Variants in MYO5C observed in about 807,000 individuals in gnomAD.
MYO5C encodes the protein unconventional myosin-Vc.
MYO5C carries 194 observed loss-of-function variants against 235.7 expected under a neutral mutation model. That is an observed-to-expected ratio of 0.82 (90% CI 0.73 to 0.93). The LOEUF (loss-of-function observed/expected upper bound fraction) is 0.93. Among genes scored for constraint, MYO5C ranks in the 40% least tolerant of loss-of-function variants. The pLI, the probability that MYO5C is intolerant of heterozygous loss-of-function variation, is 0.00. For synonymous variants in MYO5C, 707 were observed against 754.8 expected, an observed-to-expected ratio of 0.94 and a Z score of 1.04; for missense variants, 2,038 against 2,127.2, an observed-to-expected ratio of 0.96 and a Z score of 0.82.
At position 52,260,935 on chromosome 15, in the gene MYO5C, C is replaced by T; in HGVS notation, c.1240G>A (p.Val414Met). Residue 414 changes from valine (V) to methionine (M), a missense_variant, in exon 10 of 41, where the codon GTG (valine) becomes ATG (methionine). Val to Met is a conservative substitution (Grantham distance 21). Transcript: ENST00000261839. ...TGCAACGCTTGGTTAATTCTCTCCA[C>T]AATGAAGTCGAACAGGTGAGCATAG... ...KIYAHLFDFI[V>M]ERINQALQFS... 6.2e-7 allele frequency: 1 copy of T among 1,614,210 alleles called. No homozygotes were observed. Among genetic ancestry groups the T allele is most frequent in the South Asian group, 1.1e-5 (1 of 91,084 alleles).
rs137986408 is a variant in MYO5C, at chr15:52,208,874, C to T, written c.4297-231G>A. ...ACTCATTATGAAGTGTGAAGTGGGTCCTGAAGGAATGCATGAGAAATGCAA... is the reference window on the plus strand; with the variant it reads ...ACTCATTATGAAGTGTGAAGTGGGTTCTGAAGGAATGCATGAGAAATGCAA... On this transcript the variant is annotated intron_variant, in intron 35 of 40. Transcript: ENST00000261839. Among the ~76,000 whole-genome samples the T allele has an allele frequency of 4.1e-3, 627 of 152,134 alleles. 3 individuals are homozygous for T. Among genetic ancestry groups the T allele is most frequent in the Non-Finnish European group, 6.4e-3 (437 of 67,968 alleles).
At chr15:52,289,602 C>T (rs1046365671) in intron 1 of MYO5C, among the ~76,000 whole-genome samples, 1 of 151,710 alleles carries the variant, frequency 6.6e-6, no homozygotes. Flanking sequence ...CATAAGTCAG[C>T]CCCCAACCCT....
Position 52,195,409 on chromosome 15 carries a change from T to C in MYO5C, c.5044A>G (p.Arg1682Gly). 6.2e-7 allele frequency: 1 copy of C among 1,613,470 alleles called. No individual in the cohort carries two copies. The highest frequency in any genetic ancestry group is 8.5e-7 in the Non-Finnish European group (1 of 1,179,672). ...TTGCGAACAAAGGATGGAGTCACTC[T>C]CTTCTCAAAGTCATCTATAGGTGTG... is the stretch of plus-strand genomic sequence containing the variant. ...SYTPIDDFEKRVTPSFVRKVQ... is the reference protein window; with the variant it reads ...SYTPIDDFEKGVTPSFVRKVQ... Residue 1682 changes from arginine to glycine, a missense_variant, in exon 40 of 41, where the codon AGA becomes GGA. Arg to Gly is a moderately radical substitution (Grantham distance 125). Coordinates refer to ENST00000261839, the MANE Select transcript of MYO5C (RefSeq NM_018728.4).
chr15:52,242,607 C>T (rs983896517), intron 19 of MYO5C: 1 of 162,712 alleles, frequency 6.1e-6, no homozygotes, highest in Non-Finnish European at 1.3e-5. Flanking sequence ...TCATCTCGTC[C>T]TTTACAGAAA....
chr15:52,200,468 T>G (rs1327711323), intron 38 of MYO5C, among the ~76,000 whole-genome samples: 3 of 152,048 alleles, frequency 2.0e-5, no homozygotes, highest in Non-Finnish European at 4.4e-5. Flanking sequence ...CTTGGGAGGC[T>G]GAGGCACGAG....
intron 13 of MYO5C, among the ~76,000 whole-genome samples, chr15:52,250,230 TTTTTTCTTTTTCTTTTTC>T (rs1450238488): frequency 4.7e-5 from 6 of 127,946 alleles, no homozygotes; most frequent in South Asian, 2.6e-4. Context: ...CTTATCTTTT[TTTTTTCTTTTTCTTTTTC>T]TTTTTTTTTT....
chr15:52,284,103 G>GCC (rs79975391), intron 1 of MYO5C, among the ~76,000 whole-genome samples: 10 of 150,898 alleles, frequency 6.6e-5, no homozygotes, highest in South Asian at 4.2e-4. Flanking sequence ...CAAAATATAA[G>GCC]CCCCCCCCTC....
chr15:52,229,450 C>A (rs2035902946), intron 24 of MYO5C, 137 bp from the exon 25 acceptor site: 1 of 726,802 alleles, frequency 1.4e-6, no homozygotes, highest in Non-Finnish European at 2.2e-6. Context: ...CAAGAGAGAC[C>A]CCGTCCCCAC....
intron 4 of MYO5C, among the ~76,000 whole-genome samples, chr15:52,276,528 T>C (rs944257793): frequency 6.6e-6 from 1 of 152,172 alleles, no homozygotes; most frequent in Non-Finnish European, 1.5e-5. Flanking sequence ...TAAAGCACAT[T>C]ATTTACACAA....
intron 2 of MYO5C, among the ~76,000 whole-genome samples, chr15:52,281,406 C>T (rs1238509697): frequency 6.6e-6 from 1 of 152,238 alleles, no homozygotes; most frequent in African/African-American, 2.4e-5. Flanking sequence ...GCAGATATTA[C>T]CAAAGCAGCA....
chr15:52,275,027 C>G (rs61058363), intron 5 of MYO5C, among the ~76,000 whole-genome samples: 1 of 152,112 alleles, frequency 6.6e-6, no homozygotes, highest in East Asian at 1.9e-4. Flanking sequence ...CCCTGGGCAC[C>G]GTCACGGTTG....
chr15:52,259,045 C>T (rs528208768), intron 10 of MYO5C, among the ~76,000 whole-genome samples: 9 of 152,274 alleles, frequency 5.9e-5, no homozygotes, highest in East Asian at 3.9e-4. Context: ...CTCAGTCCCA[C>T]GGTGGCAGGA....
At chr15:52,279,424 T>G (rs959742038) in intron 3 of MYO5C, 85 bp downstream of exon 3, 1 of 1,436,448 alleles carries the variant, frequency 7.0e-7, no homozygotes, top group Admixed American at 2.0e-5. Flanking sequence ...GGGTGCTCAG[T>G]ATAAACATAA....
rs199667770 is a variant in MYO5C, at chr15:52,229,166, C to T, written c.3174G>A (p.Lys1058=). Residue 1058 remains lysine (K), a synonymous_variant, in exon 25 of 41, where the codon AAG becomes AAA. Transcript: ENST00000261839. ...EGEHVTSDGL[K]AEVARLSKQV... ...GCTTGCTCAGGCGGGCCACTTCCGC[C>T]TTCAAGCCATCAGAAGTGACGTGCT... 310 of 1,614,090 alleles carry T rather than the reference C, an allele frequency of 1.9e-4. No homozygotes were observed. Among genetic ancestry groups the T allele is most frequent in the Non-Finnish European group, 2.5e-4 (297 of 1,180,042 alleles).
At chr15:52,283,267 C>T (rs1284059138) in intron 1 of MYO5C, among the ~76,000 whole-genome samples, 1 of 152,218 alleles carries the variant, frequency 6.6e-6, no homozygotes, top group Non-Finnish European at 1.5e-5. Context: ...ACTTCTAGTG[C>T]CTCATTTTAC....
intron 9 of MYO5C, among the ~76,000 whole-genome samples, chr15:52,262,717 C>G (rs1329062993): frequency 6.6e-6 from 1 of 152,232 alleles, no homozygotes; most frequent in Non-Finnish European, 1.5e-5. Context: ...ATGCTCCACT[C>G]AGCTCTGCTC....
chr15:52,264,820 G>A (rs190580561), intron 8 of MYO5C, among the ~76,000 whole-genome samples: 329 of 152,334 alleles, frequency 2.2e-3, no homozygotes, highest in Non-Finnish European at 4.3e-3. Context: ...GGAGAGCAGA[G>A]AGAGGAGCGG....
chr15:52,199,930 T>C (rs947090305), intron 38 of MYO5C, among the ~76,000 whole-genome samples: 2 of 152,036 alleles, frequency 1.3e-5, no homozygotes, highest in Non-Finnish European at 2.9e-5. Flanking sequence ...GGGCAGAAAG[T>C]AATAGGAATG....
At chr15:52,211,562 C>G (rs918416802) in intron 35 of MYO5C, among the ~76,000 whole-genome samples, 168 bp downstream of exon 35, 1 of 152,194 alleles carries the variant, frequency 6.6e-6, no homozygotes, top group African/African-American at 2.4e-5. Context: ...GATGCTCATC[C>G]ATTTATCTTT....
Sources: gnomAD v4.1 joint callset for allele counts (sites outside exome capture counted in the v4.1 genomes callset) on GRCh38, gnomAD v4.1.1 for gene constraint, MANE v1.5 for transcripts, NCBI Gene and HGNC (gene_info 2026-07-23, HGNC 2026-07-21) for gene names.